Variants in SLITRK2 observed in about 807,000 individuals in gnomAD.
SLITRK2 encodes the protein SLIT and NTRK-like protein 2.
A neutral mutation model predicts 35.4 loss-of-function variants in SLITRK2; 13 were observed. The ratio of observed to expected loss-of-function variants is 0.37; its 90% confidence interval spans 0.24 to 0.58. The LOEUF (loss-of-function observed/expected upper bound fraction) is 0.58, where lower values mean the gene tolerates loss of function less well. Ranked by LOEUF, SLITRK2 falls within the 20% of genes least tolerant of loss-of-function variation. The pLI is 0.75. For missense variants in SLITRK2, 471 were observed against 634.3 expected (o/e 0.74, Z 2.76); for synonymous variants, 294 against 264.7 (o/e 1.11, Z -1.07).
rs782030429 is a variant in SLITRK2, at chrX:145,823,232, T to C, written c.807T>C (p.Ser269=). The C allele has an allele frequency of 3.2e-5, 39 of 1,209,827 alleles. No homozygotes were observed. The highest frequency in any genetic ancestry group is 4.0e-5 in the Non-Finnish European group (36 of 895,185). The change falls in exon 5 of 5, where the codon AGT becomes AGC. Residue 269 remains serine, a synonymous_variant. Coordinates refer to ENST00000335565, the MANE Select transcript of SLITRK2 (RefSeq NM_032539.5). ...ACCTCTGTCCCAGAAAAAGTGCCAG[T>C]GATTCCAGTCAGAGGGGCAGCCATG... ...RQDLCPRKSA[S]DSSQRGSHAD...
intron 1 of SLITRK2, 185 bp downstream of exon 1, chrX:145,818,211 AC>A (rs1455807611): frequency 1.3e-4 from 14 of 110,787 alleles, no homozygotes; most frequent in Admixed American, 1.2e-3. Flanking sequence ...GAGATTCCTC[AC>A]CCCGGGACCG....
rs200721013 is a variant in SLITRK2, at chrX:145,823,934, C to T, written c.1509C>T (p.Asn503=). 31 of 1,209,292 alleles carry T rather than the reference C, an allele frequency of 2.6e-5. No homozygotes were observed. Among genetic ancestry groups the T allele is most frequent in the Non-Finnish European group, 3.4e-5 (30 of 894,847 alleles). The change falls in exon 5 of 5, where the codon AAC becomes AAT. Residue 503 remains asparagine, a synonymous_variant. Transcript: ENST00000335565. ...GTALTRLNLR[N]NHFSHLPVKG... ...CCCTAACCAGGCTGAATCTGAGAAA[C>T]AACCATTTTTCTCACCTGCCCGTGA... is the stretch of plus-strand genomic sequence containing the variant.
At chrX:145,819,819 T>C (rs1042439262) in intron 1 of SLITRK2, 2 of 111,598 alleles carry the variant, frequency 1.8e-5, no homozygotes, top group African/African-American at 3.3e-5. Context: ...AGTATTTTGC[T>C]AAACGCCAAG....
Position 145,829,383 on chromosome X carries a change from T to C in SLITRK2, c.*4420T>C, listed in dbSNP as rs1480483420. The C allele has an allele frequency of 8.1e-6, 1 of 123,562 alleles. No homozygotes were observed. The highest frequency in any genetic ancestry group is 3.2e-5 in the African/African-American group (1 of 30,859). The allele number at this position is 123,562 out of a possible 1,213,427, so 10.2% of individuals were successfully genotyped here. ...AAACAGAGCCCACCTGCATAGTAAC[T>C]GTGTTTTGCCAAGGCTGCTTGTGCT... On this transcript the variant is annotated 3_prime_UTR_variant, in exon 5 of 5. Transcript: ENST00000335565.
chrX:145,818,182 C>T (rs1308153274), intron 1 of SLITRK2, 156 bp downstream of exon 1: 1 of 112,637 alleles, frequency 8.9e-6, no homozygotes, highest in Non-Finnish European at 1.9e-5. Flanking sequence ...CGGCCGCCCT[C>T]TACCCTCAAT....
rs372907038 is a variant in SLITRK2, at chrX:145,827,996, G to A, written c.*3033G>A. Reference sequence around the variant, plus strand: ...GGCCCTGCCAAGAACATATCTGTATGTCTGGCCCTACAAATGACAAATGGT... The same window carrying A: ...GGCCCTGCCAAGAACATATCTGTATATCTGGCCCTACAAATGACAAATGGT... On this transcript the variant is annotated 3_prime_UTR_variant, in exon 5 of 5. Transcript: ENST00000335565. The A allele has an allele frequency of 4.9e-5, 57 of 1,167,462 alleles. No individual in the cohort carries two copies. The highest frequency in any genetic ancestry group is 5.7e-5 in the Non-Finnish European group (50 of 876,685).
intron 2 of SLITRK2, chrX:145,821,121 T>TCACACA (rs781940605): frequency 0.013 from 589 of 43,737 alleles, 3 homozygotes; most frequent in South Asian, 0.017. Context: ...TCTCTCTCTC[T>TCACACA]CACTCACACA....
intron 1 of SLITRK2, chrX:145,819,801 A>T (rs1297268564): frequency 9.0e-6 from 1 of 111,603 alleles, no homozygotes; most frequent in Non-Finnish European, 1.9e-5. Context: ...TTGAGTCTCC[A>T]GAAGGAAAGT....
chrX:145,818,908 G>C (rs1556942364), intron 1 of SLITRK2: 1 of 112,258 alleles, frequency 8.9e-6, no homozygotes, highest in Non-Finnish European at 1.9e-5. Context: ...CAGAAGACAC[G>C]GGGCCAAATG....
chrX:145,820,691 G>T (rs1170812382), intron 2 of SLITRK2, 155 bp downstream of exon 2: 1 of 111,795 alleles, frequency 8.9e-6, no homozygotes, highest in East Asian at 2.8e-4. Flanking sequence ...CCCAGCTGAG[G>T]CTCAGCCTGG....
chrX:145,823,677 G>T lies in SLITRK2; in HGVS notation c.1252G>T (p.Ala418Ser), dbSNP rs782077160. 71 of 1,209,777 alleles carry T rather than the reference G, an allele frequency of 5.9e-5. No homozygotes were observed. Among genetic ancestry groups the T allele is most frequent in the Non-Finnish European group, 7.7e-5 (69 of 894,934 alleles). Residue 418 changes from alanine (A) to serine (S), a missense_variant, in exon 5 of 5, where the codon GCC becomes TCC. Coordinates refer to ENST00000335565, the MANE Select transcript of SLITRK2 (RefSeq NM_032539.5). ...NNRIAVIQEG[A>S]FTNLTSLRRL... ...CAGGATTGCAGTCATTCAGGAAGGT[G>T]CCTTTACAAACCTGACCAGTTTACG...
rs1556945930 is a variant in SLITRK2 at position 145,826,468 on chromosome X, T to C, written c.*1505T>C. The C allele has an allele frequency of 8.9e-6, 1 of 112,276 alleles. No individual in the cohort carries two copies. The highest frequency in any genetic ancestry group is 3.2e-5 in the African/African-American group (1 of 30,927). The allele number at this position is 112,276 out of a possible 1,213,427, so 9.3% of individuals were successfully genotyped here. ...TGTCAGCTTGAGCAAGACTTTCATT[T>C]TGGTGTTAGCATTAAAATGATTTTA... On this transcript the variant is annotated 3_prime_UTR_variant, in exon 5 of 5. Coordinates refer to ENST00000335565, the MANE Select transcript of SLITRK2 (RefSeq NM_032539.5).
chrX:145,828,079 T>C lies in SLITRK2; in HGVS notation c.*3116T>C. On this transcript the variant is annotated 3_prime_UTR_variant, in exon 5 of 5. Coordinates refer to ENST00000335565, the MANE Select transcript of SLITRK2 (RefSeq NM_032539.5). Reference sequence around the variant, plus strand: ...CTTTCACTATTTCCGAATATACCTGTGGCTAAGTTTTTATTGAAACACTCA... The same window carrying C: ...CTTTCACTATTTCCGAATATACCTGCGGCTAAGTTTTTATTGAAACACTCA... 1 of 970,805 alleles carries C rather than the reference T, an allele frequency of 1.0e-6. No homozygotes were observed. The allele number at this position is 970,805 out of a possible 1,213,427, so 80.0% of individuals were successfully genotyped here. A position where few individuals can be genotyped will look rare whatever the true frequency, so the allele number is the denominator to read the frequency against.
rs782593002 is a variant in SLITRK2, at chrX:145,823,814, G to A, written c.1389G>A (p.Lys463=). 8.3e-7 allele frequency: 1 copy of A among 1,209,587 alleles called. No homozygotes were observed. The highest frequency in any genetic ancestry group is 2.2e-5 in the Admixed American group (1 of 45,797). The change falls in exon 5 of 5, where the codon AAG becomes AAA. Residue 463 remains lysine (K), a synonymous_variant. Coordinates refer to ENST00000335565, the MANE Select transcript of SLITRK2 (RefSeq NM_032539.5). ...AGTATAATGTCATTAAGGAAATTAA[G>A]CCTCTGACCTTTGATGCTTTGATTA... ...YLEYNVIKEI[K]PLTFDALINL...
At chrX:145,818,207 C>A (rs2072920254) in intron 1 of SLITRK2, 181 bp downstream of exon 1, 1 of 112,667 alleles carries the variant, frequency 8.9e-6, no homozygotes, top group South Asian at 3.6e-4. Flanking sequence ...ACTGGAGATT[C>A]CTCACCCCGG....
chrX:145,823,684 C>A lies in SLITRK2; in HGVS notation c.1259C>A (p.Thr420Lys), dbSNP rs1603138379. 7 of 1,211,371 alleles carry A rather than the reference C, an allele frequency of 5.8e-6. No homozygotes were observed. In the East Asian group the frequency reaches 2.1e-4, roughly 36 times the overall value. ...GCAGTCATTCAGGAAGGTGCCTTTA[C>A]AAACCTGACCAGTTTACGCAGACTT... ...RIAVIQEGAF[T>K]NLTSLRRLYL... The change falls in exon 5 of 5, where the codon ACA (threonine) becomes AAA (lysine). Residue 420 changes from threonine to lysine, a missense_variant. Transcript: ENST00000335565.
intron 1 of SLITRK2, chrX:145,820,174 A>G (rs2072974683): frequency 8.9e-6 from 1 of 111,798 alleles, no homozygotes; most frequent in Non-Finnish European, 1.9e-5. Flanking sequence ...CAGGCACATC[A>G]TTTGGTCAAC....
chrX:145,823,919 G>A lies in SLITRK2; in HGVS notation c.1494G>A (p.Arg498=). Residue 498 remains arginine, a synonymous_variant, in exon 5 of 5, where the codon AGG becomes AGA. Coordinates refer to ENST00000335565, the MANE Select transcript of SLITRK2 (RefSeq NM_032539.5). The part of the protein sequence containing the change: ...DNIFGGTALT[R]LNLRNNHFSH... The stretch of plus-strand genomic sequence containing the variant: ...TATTTGGGGGGACGGCCCTAACCAG[G>A]CTGAATCTGAGAAACAACCATTTTT... 1 of 1,211,371 alleles carries A rather than the reference G, an allele frequency of 8.3e-7. No homozygotes were observed. Among genetic ancestry groups the A allele is most frequent in the Non-Finnish European group, 1.1e-6 (1 of 895,338 alleles).
chrX:145,822,658 A>T lies in SLITRK2; in HGVS notation c.233A>T (p.Tyr78Phe), dbSNP rs1257085646. 1 of 1,211,702 alleles carries T rather than the reference A, an allele frequency of 8.3e-7. No homozygotes were observed. The highest frequency in any genetic ancestry group is 1.1e-6 in the Non-Finnish European group (1 of 895,468). The change falls in exon 5 of 5, where the codon TAT becomes TTT. Residue 78 changes from tyrosine (Y) to phenylalanine (F), a missense_variant. Transcript: ENST00000335565. ...AATGGAAACCTCTTGACAAGACTGTATCCAAACGAATTTGTCAATTACTCC... is the reference window on the plus strand; with the variant it reads ...AATGGAAACCTCTTGACAAGACTGTTTCCAAACGAATTTGTCAATTACTCC... ...FLNGNLLTRL[Y>F]PNEFVNYSNA... is the part of the protein sequence containing the mutation.
Sources: allele counts gnomAD v4.1 joint callset, GRCh38; gene constraint gnomAD v4.1.1; transcripts MANE v1.5; gene names NCBI Gene and HGNC (gene_info 2026-07-23, HGNC 2026-07-21).